Variants in GRM4 observed in about 807,000 individuals in gnomAD.
GRM4 encodes the protein glutamate metabotropic receptor 4.
In GRM4, 28 loss-of-function variants were observed where a neutral mutation model predicts 81.7. That is an observed-to-expected ratio of 0.34 (90% CI 0.25 to 0.47). The LOEUF is 0.47. GRM4 is among the 20% of genes least tolerant of loss of function. The pLI, the probability that GRM4 is intolerant of heterozygous loss-of-function variation, is 1.00. For missense variants in GRM4, 948 were observed against 1,290.0 expected (o/e 0.73, Z 4.06); for synonymous variants, 488 against 528.8 (o/e 0.92, Z 1.06).
chr6:34,125,957 C>A (rs1341684992), intron 2 of GRM4, among the ~76,000 whole-genome samples: 1 of 152,236 alleles, frequency 6.6e-6, no homozygotes, highest in African/African-American at 2.4e-5. Flanking sequence ...TCTATTGAAT[C>A]CTATTCTGTA....
intron 1 of GRM4, among the ~76,000 whole-genome samples, chr6:34,154,825 G>A (rs555818855): frequency 1.3e-5 from 2 of 152,310 alleles, no homozygotes; most frequent in African/African-American, 2.4e-5. Flanking sequence ...CCAGAAACGC[G>A]GCAAGATCGC....
intron 3 of GRM4, among the ~76,000 whole-genome samples, chr6:34,076,094 A>G (rs1480311237): frequency 6.6e-6 from 1 of 152,262 alleles, no homozygotes; most frequent in African/African-American, 2.4e-5. Flanking sequence ...GTTATAGGCC[A>G]GCAGCTGGGC....
At chr6:34,049,664 C>T (rs1765517364) in intron 6 of GRM4, among the ~76,000 whole-genome samples, 1 of 152,178 alleles carries the variant, frequency 6.6e-6, no homozygotes, top group African/African-American at 2.4e-5. Flanking sequence ...CCGCCCACCC[C>T]ATCGTAGTGC....
At chr6:34,081,043 G>A (rs749155277) in intron 3 of GRM4, among the ~76,000 whole-genome samples, 2 of 152,136 alleles carry the variant, frequency 1.3e-5, no homozygotes, top group Non-Finnish European at 2.9e-5. Flanking sequence ...CTGCCCATCT[G>A]ACAAGCCCAC....
chr6:34,073,771 A>C (rs1424673749), intron 3 of GRM4, among the ~76,000 whole-genome samples: 1 of 152,102 alleles, frequency 6.6e-6, no homozygotes, highest in Admixed American at 6.5e-5. Flanking sequence ...TGAATGCCCC[A>C]ATTAGCCTGA....
In GRM4 at chr6:34,092,205, G is replaced by T; in HGVS notation, c.520-106C>A. 1 of 714,248 alleles carries T rather than the reference G, an allele frequency of 1.4e-6. No individual in the cohort carries two copies. Among genetic ancestry groups the T allele is most frequent in the South Asian group, 1.8e-5 (1 of 56,044 alleles). 44.2% of individuals were successfully genotyped at this position (714,248 alleles called of 1,614,324 possible). ...CTCCCTTTGGTCCCCACAGCCTTGG[G>T]ACCACCACAGCCCACCCCTCCCCAT... On this transcript the variant is annotated intron_variant, in intron 2 of 10. Coordinates refer to ENST00000538487, the MANE Select transcript of GRM4 (RefSeq NM_000841.4). This position sits in a 1 kb window ranked among gnomAD's most constrained non-coding sequence, Gnocchi z 6.8.
intron 7 of GRM4, 83 bp from the exon 8 acceptor site, chr6:34,040,397 C>T: frequency 4.7e-6 from 7 of 1,489,694 alleles, no homozygotes; most frequent in Non-Finnish European, 6.5e-6. Context: ...ACCTCTCTGA[C>T]ACACCCATTC....
At chr6:34,140,801 T>G (rs1246072746) in intron 1 of GRM4, among the ~76,000 whole-genome samples, 1 of 152,248 alleles carries the variant, frequency 6.6e-6, no homozygotes, top group Non-Finnish European at 1.5e-5. Context: ...CTAATACTGC[T>G]TCTTCCTCTC....
intron 2 of GRM4, among the ~76,000 whole-genome samples, chr6:34,105,255 G>GC (rs960242380): frequency 1.3e-5 from 2 of 152,174 alleles, no homozygotes; most frequent in African/African-American, 4.8e-5. Flanking sequence ...CAGAGAGGAG[G>GC]CCCCCCTGGG....
At chr6:34,132,474 A>C (rs1231183060) in intron 2 of GRM4, among the ~76,000 whole-genome samples, 3 of 152,238 alleles carry the variant, frequency 2.0e-5, no homozygotes, top group Admixed American at 1.3e-4. Context: ...TGGGAATTGC[A>C]ATTATATGAA....
At chr6:34,083,971 T>C (rs937392966) in intron 3 of GRM4, among the ~76,000 whole-genome samples, 3 of 152,226 alleles carry the variant, frequency 2.0e-5, no homozygotes, top group Non-Finnish European at 4.4e-5. Context: ...ACCCCTGACA[T>C]CCACTCCTTT....
rs1472234757 is a variant in GRM4 at position 34,133,935 on chromosome 6, G to C, written c.-363-76C>G. 1.6e-6 allele frequency: 1 copy of C among 635,786 alleles called. No individual in the cohort carries two copies. Among genetic ancestry groups the C allele is most frequent in the Non-Finnish European group, 2.0e-6 (1 of 508,602 alleles). 39.4% of individuals were successfully genotyped at this position (635,786 alleles called of 1,614,324 possible). On this transcript the variant is annotated intron_variant, in intron 1 of 10. Transcript: ENST00000538487. The surrounding 1 kb of genome is among the most constrained non-coding windows in gnomAD (Gnocchi z 6.5). ...CATTAGCTAGTCTCATCTCTCATCA[G>C]GAGCCTGAGAGAAGGAGATGCTAGA...
intron 2 of GRM4, among the ~76,000 whole-genome samples, chr6:34,094,200 T>G (rs1020783473): frequency 6.6e-6 from 1 of 152,212 alleles, no homozygotes; most frequent in African/African-American, 2.4e-5. Context: ...GCATACTTGC[T>G]GCTCTGAAAC....
chr6:34,081,661 A>T (rs1466883874), intron 3 of GRM4, among the ~76,000 whole-genome samples: 1 of 152,240 alleles, frequency 6.6e-6, no homozygotes, highest in African/African-American at 2.4e-5. Context: ...AGTGGGACGC[A>T]GGCTGCTGGA....
chr6:34,135,881 G>A (rs1770435790), intron 1 of GRM4, among the ~76,000 whole-genome samples: 1 of 152,212 alleles, frequency 6.6e-6, no homozygotes. Flanking sequence ...TCTGTAAAAT[G>A]GGTGAGTTGG....
intron 10 of GRM4, 123 bp downstream of exon 10, chr6:34,027,997 G>A (rs948383868): frequency 1.5e-5 from 17 of 1,131,914 alleles, no homozygotes; most frequent in Admixed American, 5.3e-5. Context: ...AGTGTCCCCC[G>A]CCGCCTCCCC....
intron 2 of GRM4, among the ~76,000 whole-genome samples, chr6:34,105,746 G>A (rs774289045): frequency 5.3e-5 from 8 of 152,130 alleles, no homozygotes; most frequent in Admixed American, 1.3e-4. Context: ...AATGGGTGTC[G>A]CAAATTCAGC....
At chr6:34,142,372 G>C (rs1770728323) in intron 1 of GRM4, among the ~76,000 whole-genome samples, 1 of 152,210 alleles carries the variant, frequency 6.6e-6, no homozygotes, top group African/African-American at 2.4e-5. Context: ...TGGAAAGTTG[G>C]GTTCTAGACC....
intron 1 of GRM4, among the ~76,000 whole-genome samples, chr6:34,140,707 A>G (rs1050414280): frequency 5.3e-5 from 8 of 152,096 alleles, no homozygotes; most frequent in African/African-American, 1.4e-4. Context: ...CCATCCCTAC[A>G]TGCCGCCATC....
Sources: gnomAD v4.1 joint callset for allele counts (sites outside exome capture counted in the v4.1 genomes callset) on GRCh38, gnomAD v4.1.1 for gene constraint, Gnocchi (gnomAD v3.1) non-coding constraint, MANE v1.5 for transcripts, NCBI Gene and HGNC (gene_info 2026-07-23, HGNC 2026-07-21) for gene names.